Variants in PTPRN2 observed in about 807,000 individuals in gnomAD.
The protein encoded by PTPRN2 is protein tyrosine phosphatase receptor type N2.
A neutral mutation model predicts 118.8 loss-of-function variants in PTPRN2; 74 were observed. The ratio of observed to expected loss-of-function variants is 0.62; its 90% CI spans 0.52 to 0.76. The LOEUF (loss-of-function observed/expected upper bound fraction) is 0.76. PTPRN2 is among the 30% of genes least tolerant of loss of function. The probability of loss-of-function intolerance (pLI) is 0.00; values close to 1 mark genes in which losing one functional copy is unlikely to be tolerated. For synonymous variants in PTPRN2, 641 were observed against 608.0 expected, an observed-to-expected ratio of 1.05 and a Z score of -0.80; for missense variants, 1,481 against 1,394.4, an observed-to-expected ratio of 1.06 and a Z score of -0.99.
At chr7:158,165,836 C>T (rs1468618857) in intron 6 of PTPRN2, among the ~76,000 whole-genome samples, 3 of 152,198 alleles carry the variant, frequency 2.0e-5, no homozygotes, top group African/African-American at 7.2e-5. Flanking sequence ...TCCCCTGGGC[C>T]CGCCCTGACG....
chr7:157,778,841 C>T (rs918957468), intron 12 of PTPRN2, among the ~76,000 whole-genome samples: 11 of 152,312 alleles, frequency 7.2e-5, no homozygotes, highest in East Asian at 3.9e-4. Context: ...AACATGTCCA[C>T]GTGAATACAG....
intron 2 of PTPRN2, among the ~76,000 whole-genome samples, chr7:158,361,952 C>A (rs11977725): frequency 3.3e-5 from 5 of 152,086 alleles, no homozygotes; most frequent in Admixed American, 6.5e-5. Flanking sequence ...GAGCTCATCC[C>A]CGCTTCTCTC....
At chr7:157,659,047 C>T (rs891817110) in intron 13 of PTPRN2, among the ~76,000 whole-genome samples, 6 of 151,938 alleles carry the variant, frequency 3.9e-5, no homozygotes, top group Non-Finnish European at 7.4e-5. Context: ...CCCTTCACCC[C>T]GGGCTGCCGG....
chr7:158,052,610 G>C (rs1809419070), intron 11 of PTPRN2, among the ~76,000 whole-genome samples: 1 of 151,776 alleles, frequency 6.6e-6, no homozygotes, highest in East Asian at 2.0e-4. Flanking sequence ...GAGGGGTGCG[G>C]CCACTAATTT....
chr7:157,845,188 C>A lies in PTPRN2; in HGVS notation c.1788+53485G>T, dbSNP rs1808710712. On this transcript the variant is annotated intron_variant, in intron 12 of 22. Coordinates refer to ENST00000389418, the MANE Select transcript of PTPRN2 (RefSeq NM_002847.5). The surrounding 1 kb of genome is among the most constrained non-coding windows in gnomAD (Gnocchi z 4.5). Reference sequence around the variant, plus strand: ...GTTTTTCAAATGGACTATTTTATTCCTAGAAAAAGATACACAGGCTAATGT... The same window carrying A: ...GTTTTTCAAATGGACTATTTTATTCATAGAAAAAGATACACAGGCTAATGT... 6.6e-6 allele frequency among the ~76,000 whole-genome samples: 1 copy of A among 152,152 alleles called. No individual in the cohort carries two copies. The highest frequency in any genetic ancestry group is 6.5e-5 in the Admixed American group (1 of 15,274).
intron 12 of PTPRN2, among the ~76,000 whole-genome samples, chr7:157,859,910 CCT>C (rs1168209480): frequency 7.7e-6 from 1 of 129,496 alleles, no homozygotes. Context: ...GCAGGGAGAG[CCT>C]CCCAGCCACC....
intron 2 of PTPRN2, among the ~76,000 whole-genome samples, chr7:158,328,627 G>A (rs1448869179): frequency 6.6e-6 from 1 of 151,884 alleles, no homozygotes. Flanking sequence ...TGAGGAGCAG[G>A]GCCCCCATTC....
chr7:158,246,431 C>T (rs956866876), intron 3 of PTPRN2, among the ~76,000 whole-genome samples: 3 of 151,156 alleles, frequency 2.0e-5, no homozygotes, highest in Middle Eastern at 3.4e-3. Context: ...TCTCACTGCC[C>T]CCAGCTCTAA....
intron 1 of PTPRN2, among the ~76,000 whole-genome samples, chr7:158,543,462 ACT>A (rs1204541649): frequency 6.6e-6 from 1 of 152,176 alleles, no homozygotes; most frequent in African/African-American, 2.4e-5. Context: ...TCAGTTTTGC[ACT>A]TTGTTTTCCT....
intron 14 of PTPRN2, among the ~76,000 whole-genome samples, chr7:157,634,090 C>T (rs772616327): frequency 7.6e-5 from 11 of 144,062 alleles, no homozygotes; most frequent in Non-Finnish European, 1.0e-4. Context: ...GCAGGCAACA[C>T]GTCCTAGGAT....
At chr7:158,189,931 C>T (rs1374603842) in intron 5 of PTPRN2, among the ~76,000 whole-genome samples, 5 of 152,170 alleles carry the variant, frequency 3.3e-5, no homozygotes, top group Admixed American at 1.3e-4. Flanking sequence ...CAGTTTCCAC[C>T]GTGCTGTGCT....
At chr7:158,070,965 C>CCTG (rs536087568) in intron 11 of PTPRN2, among the ~76,000 whole-genome samples, 4 of 50,752 alleles carry the variant, frequency 7.9e-5, no homozygotes, top group African/African-American at 3.4e-4. Context: ...GGTGGAGGTG[C>CCTG]TCACGGTGGA....
At chr7:158,203,342 T>G (rs1365623371) in intron 4 of PTPRN2, among the ~76,000 whole-genome samples, 2 of 151,878 alleles carry the variant, frequency 1.3e-5, no homozygotes, top group Admixed American at 6.6e-5. Context: ...ATTTTAAACT[T>G]TTAATCTCAC....
At chr7:158,452,448 G>A (rs770721627) in intron 2 of PTPRN2, among the ~76,000 whole-genome samples, 18 of 152,106 alleles carry the variant, frequency 1.2e-4, no homozygotes, top group East Asian at 1.9e-4. Context: ...CGGGTTCACC[G>A]TCGCCAGGCT....
At chr7:158,325,095 C>A (rs1803382552) in intron 2 of PTPRN2, among the ~76,000 whole-genome samples, 1 of 152,014 alleles carries the variant, frequency 6.6e-6, no homozygotes. Context: ...CCAGGCCCCA[C>A]AATTCTCCCC....
chr7:158,283,709 C>T (rs1186537912), intron 3 of PTPRN2, among the ~76,000 whole-genome samples: 1 of 152,174 alleles, frequency 6.6e-6, no homozygotes, highest in East Asian at 1.9e-4. Flanking sequence ...CACGCCCATG[C>T]AGGTGATCAG....
intron 11 of PTPRN2, among the ~76,000 whole-genome samples, chr7:158,076,121 A>G (rs1303682079): frequency 6.6e-6 from 1 of 152,248 alleles, no homozygotes; most frequent in East Asian, 1.9e-4. Context: ...CAATTTTCTC[A>G]GCAAGTGGCT....
chr7:158,049,795 G>A (rs1809188358), intron 11 of PTPRN2, among the ~76,000 whole-genome samples: 1 of 152,050 alleles, frequency 6.6e-6, no homozygotes, highest in Non-Finnish European at 1.5e-5. Flanking sequence ...CCCAGCTACT[G>A]GGGAGGCTGA....
chr7:158,146,740 GA>G (rs911960801), intron 6 of PTPRN2, among the ~76,000 whole-genome samples: 49 of 150,030 alleles, frequency 3.3e-4, no homozygotes, highest in Non-Finnish European at 7.0e-4. Context: ...AAAAAAGAAA[GA>G]AAAAAGAAAC....
Sources: gnomAD v4.1 joint callset for allele counts (sites outside exome capture counted in the v4.1 genomes callset) on GRCh38, gnomAD v4.1.1 for gene constraint, Gnocchi (gnomAD v3.1) non-coding constraint, MANE v1.5 for transcripts, NCBI Gene and HGNC (gene_info 2026-07-23, HGNC 2026-07-21) for gene names.